The following PRELID2 variants were observed in gnomAD, a reference collection of about 807,000 sequenced individuals.
The protein encoded by PRELID2 is PRELI domain containing 2, also known as PRELI domain-containing protein 2.
PRELID2 carries 25 observed loss-of-function variants against 28.4 expected under a neutral mutation model. The ratio of observed to expected loss-of-function variants is 0.88; its 90% CI spans 0.64 to 1.23. The LOEUF is 1.23. Among genes scored for constraint, PRELID2 ranks in the 50% most tolerant of loss-of-function variants. The probability of loss-of-function intolerance (pLI) is 0.00; values close to 1 mark genes in which losing one functional copy is unlikely to be tolerated. For synonymous variants in PRELID2, 76 were observed against 71.6 expected, an observed-to-expected ratio of 1.06 and a Z score of -0.31; for missense variants, 201 against 214.4, an observed-to-expected ratio of 0.94 and a Z score of 0.39.
At chr5:145,354,129 C>CA in the PRELID2 span, among the ~76,000 whole-genome samples, 7 of 152,100 alleles carry the variant, frequency 4.6e-5, no homozygotes, top group Non-Finnish European at 1.0e-4. Flanking sequence ...TCGATCTTAG[C>CA]AAACAAGGTT....
At chr5:145,486,068 C>T (rs187803020) in intron 1 of PRELID2, among the ~76,000 whole-genome samples, 102 of 152,248 alleles carry the variant, frequency 6.7e-4, no homozygotes, top group Non-Finnish European at 1.3e-3. Context: ...TGTGAGTTCT[C>T]TCATTGTTTT....
chr5:145,595,739 T>C (rs1753296198), intron 1 of PRELID2, among the ~76,000 whole-genome samples: 1 of 152,224 alleles, frequency 6.6e-6, no homozygotes, highest in Non-Finnish European at 1.5e-5. Context: ...AGTAGCATCA[T>C]CAAAAGTTGT....
chr5:145,253,049 T>A, the PRELID2 span, among the ~76,000 whole-genome samples: 1 of 152,124 alleles, frequency 6.6e-6, no homozygotes, highest in African/African-American at 2.4e-5. Flanking sequence ...GAAAAATGAT[T>A]GGTATTGCTG....
chr5:145,483,348 C>G (rs567844963), intron 1 of PRELID2, among the ~76,000 whole-genome samples: 1 of 152,116 alleles, frequency 6.6e-6, no homozygotes, highest in African/African-American at 2.4e-5. Context: ...CCAGAGCCAC[C>G]ATGTGTGGAA....
chr5:145,332,348 T>C, the PRELID2 span, among the ~76,000 whole-genome samples: 5 of 152,218 alleles, frequency 3.3e-5, no homozygotes, highest in Non-Finnish European at 5.9e-5. Flanking sequence ...CTGGATAATA[T>C]CCTGAAGAGT....
At chr5:145,316,795 T>C in the PRELID2 span, among the ~76,000 whole-genome samples, 8 of 152,368 alleles carry the variant, frequency 5.3e-5, no homozygotes, top group Admixed American at 1.3e-4. Context: ...AGCCATTTCA[T>C]ATAAACAGAG....
At chr5:145,437,943 C>T in the PRELID2 span, among the ~76,000 whole-genome samples, 1,166 of 152,188 alleles carry the variant, frequency 7.7e-3, 11 homozygotes, top group African/African-American at 0.027. Flanking sequence ...GCTTCTTTCC[C>T]CTAGAGCCAT....
chr5:145,711,571 G>T (rs1421970831), intron 1 of PRELID2, among the ~76,000 whole-genome samples: 1 of 152,130 alleles, frequency 6.6e-6, no homozygotes, highest in African/African-American at 2.4e-5. Flanking sequence ...GACCTTCACT[G>T]GGTGCTTACA....
At chr5:145,763,926 A>C (rs1487255528) in intron 6 of PRELID2, among the ~76,000 whole-genome samples, 2 of 152,090 alleles carry the variant, frequency 1.3e-5, no homozygotes, top group Non-Finnish European at 2.9e-5. Flanking sequence ...AAATACAAAA[A>C]TTAGCCGGGC....
At chr5:145,501,403 G>T (rs976017111) in intron 1 of PRELID2, among the ~76,000 whole-genome samples, 3 of 152,044 alleles carry the variant, frequency 2.0e-5, no homozygotes, top group African/African-American at 7.2e-5. Flanking sequence ...ATATGGTTTG[G>T]CTGTGTCCCC....
Position 145,786,403 on chromosome 5 carries a change from C to T in PRELID2, c.474+10039G>A, listed in dbSNP as rs571416908. Among the ~76,000 whole-genome samples, 7 of 152,320 alleles carry T rather than the reference C, an allele frequency of 4.6e-5. No homozygotes were observed. In the East Asian group the frequency reaches 1.4e-3, roughly 29 times the overall value. On this transcript the variant is annotated intron_variant, in intron 5 of 6. Coordinates refer to ENST00000683046, the MANE Select transcript of PRELID2 (RefSeq NM_205846.3). ...AAACTGTGATATTTCACCTTGGTAG[C>T]ACTCTCTTGCTCTCACGCTCACTGC...
rs375200335 is a variant in PRELID2, at chr5:145,789,303, T to C, written c.474+7139A>G. Among the ~76,000 whole-genome samples, 9 of 152,094 alleles carry C rather than the reference T, an allele frequency of 5.9e-5. No homozygotes were observed. The South Asian group carries it at 1.7e-3, about 28-fold the overall frequency. On this transcript the variant is annotated intron_variant, in intron 5 of 6. Coordinates refer to ENST00000683046, the MANE Select transcript of PRELID2 (RefSeq NM_205846.3). ...ACAATACTGGCAAAAAACAGACACA[T>C]TGAATAATGGAATAGAATAGAGAGA...
At chr5:145,790,986 C>A (rs1752351915) in intron 5 of PRELID2, among the ~76,000 whole-genome samples, 1 of 150,834 alleles carries the variant, frequency 6.6e-6, no homozygotes, top group Admixed American at 6.6e-5. Context: ...TTCACAATAG[C>A]CAAAAGGCAG....
At chr5:145,445,089 A>G in the PRELID2 span, among the ~76,000 whole-genome samples, 2 of 152,118 alleles carry the variant, frequency 1.3e-5, no homozygotes, top group East Asian at 3.9e-4. Flanking sequence ...CCTGAGCAAA[A>G]AGAAGAAAGC....
At chr5:145,389,776 G>T in the PRELID2 span, among the ~76,000 whole-genome samples, 1 of 152,174 alleles carries the variant, frequency 6.6e-6, no homozygotes, top group Non-Finnish European at 1.5e-5. Flanking sequence ...ATTCTCAGTA[G>T]TCCAGAGGAG....
At chr5:145,675,448 A>G (rs1447734661) in intron 1 of PRELID2, among the ~76,000 whole-genome samples, 2 of 152,254 alleles carry the variant, frequency 1.3e-5, no homozygotes, top group Non-Finnish European at 2.9e-5. Context: ...GAACAAACCC[A>G]TTGAGAAGAG....
At chr5:145,808,484 T>A (rs1326710827) in intron 4 of PRELID2, among the ~76,000 whole-genome samples, 1 of 152,200 alleles carries the variant, frequency 6.6e-6, no homozygotes, top group Non-Finnish European at 1.5e-5. Context: ...TAGGATGTTT[T>A]AATCCAGAAA....
At chr5:145,403,507 G>C in the PRELID2 span, among the ~76,000 whole-genome samples, 2 of 152,180 alleles carry the variant, frequency 1.3e-5, no homozygotes, top group Non-Finnish European at 2.9e-5. Context: ...CCCCATGCTG[G>C]CCCTATCCCT....
the PRELID2 span, among the ~76,000 whole-genome samples, chr5:145,357,958 G>A: frequency 1.3e-5 from 2 of 150,260 alleles, no homozygotes; most frequent in Non-Finnish European, 3.0e-5. Flanking sequence ...TTGGTTGTTT[G>A]GTTGTGGCAT....
Sources: allele counts gnomAD v4.1 joint callset (sites outside exome capture counted in the v4.1 genomes callset), GRCh38; gene constraint gnomAD v4.1.1; transcripts MANE v1.5; gene names NCBI Gene and HGNC (gene_info 2026-07-23, HGNC 2026-07-21).